Variants in PTPRD observed in about 807,000 individuals in gnomAD.
PTPRD encodes the protein protein tyrosine phosphatase receptor type D.
In PTPRD, 34 loss-of-function variants were observed where a neutral mutation model predicts 214.5. The observed-to-expected ratio is 0.16, with a 90% CI of 0.12 to 0.21. The LOEUF (loss-of-function observed/expected upper bound fraction) is 0.21. Among genes scored for constraint, PTPRD ranks in the 10% least tolerant of loss-of-function variants. The pLI is 1.00. For missense variants in PTPRD, 2,545 were observed against 2,398.7 expected (o/e 1.06, Z -1.27); for synonymous variants, 1,128 against 845.7 (o/e 1.33, Z -5.79).
chr9:9,195,107 TAC>T (rs57276075), intron 9 of PTPRD, among the ~76,000 whole-genome samples: 3 of 141,192 alleles, frequency 2.1e-5, no homozygotes, highest in South Asian at 2.4e-4. Context: ...TATATATATA[TAC>T]ACACACACAC....
chr9:9,724,598 A>T (rs999702803), intron 7 of PTPRD, among the ~76,000 whole-genome samples: 1 of 152,214 alleles, frequency 6.6e-6, no homozygotes, highest in East Asian at 1.9e-4. Flanking sequence ...GGATGAAAGA[A>T]GGTCACAGAA....
chr9:10,239,019 A>G (rs536820134), intron 3 of PTPRD, among the ~76,000 whole-genome samples: 2 of 152,034 alleles, frequency 1.3e-5, no homozygotes, highest in African/African-American at 4.8e-5. Context: ...TGAATATCCT[A>G]TTGGGCAACA....
intron 39 of PTPRD, among the ~76,000 whole-genome samples, chr9:8,353,527 G>C (rs1173660748): frequency 1.3e-5 from 2 of 151,994 alleles, no homozygotes; most frequent in African/African-American, 4.8e-5. Context: ...CCGTTTCCTG[G>C]GTTCAAGTGA....
chr9:10,410,327 G>A (rs1433260296), intron 2 of PTPRD, among the ~76,000 whole-genome samples: 1 of 140,740 alleles, frequency 7.1e-6, no homozygotes, highest in Non-Finnish European at 1.5e-5. Flanking sequence ...ATAAATTTAT[G>A]ATATATTTTA....
intron 3 of PTPRD, among the ~76,000 whole-genome samples, chr9:10,207,145 T>A (rs2099487119): frequency 6.6e-6 from 1 of 152,184 alleles, no homozygotes; most frequent in Non-Finnish European, 1.5e-5. Context: ...AGTTCTTTTA[T>A]GCTCCTTCCT....
chr9:8,648,362 A>G (rs1198323701), intron 12 of PTPRD, among the ~76,000 whole-genome samples: 3 of 152,188 alleles, frequency 2.0e-5, no homozygotes, highest in Non-Finnish European at 4.4e-5. Context: ...AAGGCTGGCC[A>G]TTCTGTTTTG....
chr9:9,053,706 A>C (rs775096419), intron 10 of PTPRD, among the ~76,000 whole-genome samples: 2 of 152,160 alleles, frequency 1.3e-5, no homozygotes, highest in Non-Finnish European at 2.9e-5. Context: ...AAATTAGTAT[A>C]TATTTAAATA....
chr9:8,963,050 C>A (rs181283608), intron 11 of PTPRD: 1 of 151,788 alleles, frequency 6.6e-6, no homozygotes, highest in African/African-American at 2.4e-5. Context: ...CAATGGAATA[C>A]CAGACATCAA....
intron 14 of PTPRD, among the ~76,000 whole-genome samples, chr9:8,553,619 G>A (rs2082777895): frequency 6.6e-6 from 1 of 152,154 alleles, no homozygotes. Context: ...ATACCTTTAT[G>A]ACAGGTACAT....
chr9:8,814,773 TA>T (rs2096886540), intron 11 of PTPRD, among the ~76,000 whole-genome samples: 1 of 152,190 alleles, frequency 6.6e-6, no homozygotes, highest in Admixed American at 6.5e-5. Context: ...TAGTATGGAT[TA>T]TACAACTAGT....
At chr9:9,702,160 T>C (rs949414988) in intron 7 of PTPRD, among the ~76,000 whole-genome samples, 2 of 151,842 alleles carry the variant, frequency 1.3e-5, no homozygotes, top group Non-Finnish European at 2.9e-5. Flanking sequence ...GAGAGGAAAC[T>C]AAAGTATCAT....
At chr9:9,167,161 C>T (rs2099905974) in intron 10 of PTPRD, among the ~76,000 whole-genome samples, 1 of 152,052 alleles carries the variant, frequency 6.6e-6, no homozygotes, top group Admixed American at 6.6e-5. Flanking sequence ...ATATCATAAC[C>T]TTTATTGTAT....
chr9:8,620,561 T>C (rs887989492), intron 14 of PTPRD, among the ~76,000 whole-genome samples: 1 of 151,954 alleles, frequency 6.6e-6, no homozygotes, highest in African/African-American at 2.4e-5. Context: ...ATAGAAACCT[T>C]GACCTTTCAG....
intron 10 of PTPRD, among the ~76,000 whole-genome samples, chr9:9,097,748 T>C (rs2099785706): frequency 6.6e-6 from 1 of 152,180 alleles, no homozygotes; most frequent in Non-Finnish European, 1.5e-5. Context: ...GACAATTCTC[T>C]ATGGGTCTCA....
chr9:9,623,839 C>A (rs532562072), intron 7 of PTPRD, among the ~76,000 whole-genome samples: 1 of 152,178 alleles, frequency 6.6e-6, no homozygotes, highest in African/African-American at 2.4e-5. Flanking sequence ...AGAAACAGTG[C>A]TTCTTACAAC....
intron 10 of PTPRD, among the ~76,000 whole-genome samples, chr9:9,039,291 G>A (rs2099631866): frequency 6.6e-6 from 1 of 152,172 alleles, no homozygotes; most frequent in Non-Finnish European, 1.5e-5. Flanking sequence ...ACAAACATTG[G>A]TAGCGGAGGA....
chr9:9,603,710 A>G (rs987335103), intron 7 of PTPRD, among the ~76,000 whole-genome samples: 20 of 152,144 alleles, frequency 1.3e-4, no homozygotes, highest in Admixed American at 8.5e-4. Context: ...TCATCCAGAA[A>G]CTATCCCCAC....
intron 3 of PTPRD, among the ~76,000 whole-genome samples, chr9:10,323,351 GT>G (rs1160378486): frequency 1.4e-5 from 2 of 147,388 alleles, no homozygotes; most frequent in African/African-American, 5.0e-5. Flanking sequence ...TTGGAATGCA[GT>G]GGTGTGATTT....
At chr9:9,521,358 A>G (rs2096967391) in intron 8 of PTPRD, among the ~76,000 whole-genome samples, 1 of 152,134 alleles carries the variant, frequency 6.6e-6, no homozygotes, top group Non-Finnish European at 1.5e-5. Context: ...AACACTTACA[A>G]TCCATTTGTC....
Sources: allele counts gnomAD v4.1 joint callset (sites outside exome capture counted in the v4.1 genomes callset), GRCh38; gene constraint gnomAD v4.1.1; transcripts MANE v1.5; gene names NCBI Gene and HGNC (gene_info 2026-07-23, HGNC 2026-07-21).